The following CSMD2 variants were observed in gnomAD, a reference collection of about 807,000 sequenced individuals.
The protein encoded by CSMD2 is CUB and Sushi multiple domains 2.
Under a neutral mutation model 398.5 loss-of-function variants are expected in CSMD2, and 130 were observed. The ratio of observed to expected loss-of-function variants is 0.33; its 90% confidence interval spans 0.28 to 0.38. The LOEUF (loss-of-function observed/expected upper bound fraction) is 0.38. Ranked by LOEUF, CSMD2 falls within the 10% of genes least tolerant of loss-of-function variation. The pLI, the probability that CSMD2 is intolerant of heterozygous loss-of-function variation, is 1.00. For missense variants in CSMD2, 3,829 were observed against 4,764.9 expected (o/e 0.80, Z 5.78); for synonymous variants, 1,828 against 1,908.5 (o/e 0.96, Z 1.10).
chr1:34,127,584 G>T lies in CSMD2; in HGVS notation c.187+37327C>A, dbSNP rs181040653. On this transcript the variant is annotated intron_variant, in intron 1 of 70. Transcript: ENST00000373381. ...CATTCTGATGGTCTGCCTGTTCTCA[G>T]TGAGGTACCAGGGTAGTCATCCTGT... Among the ~76,000 whole-genome samples, 507 of 152,294 alleles carry T rather than the reference G, an allele frequency of 3.3e-3. 4 individuals are homozygous for T. The highest frequency in any genetic ancestry group is 0.012 in the African/African-American group (482 of 41,552).
intron 44 of CSMD2, among the ~76,000 whole-genome samples, chr1:33,593,163 A>G (rs574402643): frequency 1.1e-4 from 16 of 152,308 alleles, no homozygotes; most frequent in African/African-American, 3.6e-4. Flanking sequence ...CACATGCTAT[A>G]ACATGGAACC....
intron 9 of CSMD2, among the ~76,000 whole-genome samples, chr1:33,818,405 A>AT (rs1162377353): frequency 3.3e-5 from 5 of 152,116 alleles, no homozygotes; most frequent in South Asian, 2.1e-4. Flanking sequence ...GCATGAGGAT[A>AT]TTTTTTTTCT....
rs1032058278 is a variant in CSMD2 at position 33,656,590 on chromosome 1, G to A, written c.4447+1356C>T. ...CCCATTAAGCCTGAGTGAGAGAGGT[G>A]CAGGCCAGGGCAGACGCTCCTGCAG... On this transcript the variant is annotated intron_variant, in intron 27 of 70. Transcript: ENST00000373381. Among the ~76,000 whole-genome samples, 22 of 152,326 alleles carry A rather than the reference G, an allele frequency of 1.4e-4. 1 individual carries two copies. Among genetic ancestry groups the A allele is most frequent in the African/African-American group, 5.3e-4 (22 of 41,580 alleles).
intron 53 of CSMD2, among the ~76,000 whole-genome samples, chr1:33,566,102 A>AG (rs1659030699): frequency 6.6e-6 from 1 of 151,128 alleles, no homozygotes; most frequent in Non-Finnish European, 1.5e-5. Context: ...ATGAAGAAGA[A>AG]AAAAAAAACA....
At chr1:34,092,589 C>T (rs1658724246) in intron 1 of CSMD2, among the ~76,000 whole-genome samples, 1 of 152,204 alleles carries the variant, frequency 6.6e-6, no homozygotes, top group African/African-American at 2.4e-5. Flanking sequence ...GGCATTGCCT[C>T]ACTCGGGACG....
At chr1:33,523,203 C>G in intron 67 of CSMD2, 104 bp downstream of exon 67, 1 of 614,948 alleles carries the variant, frequency 1.6e-6, no homozygotes, top group South Asian at 2.6e-5. Context: ...AAAACCTCCT[C>G]CCAAGTTGCC....
At chr1:34,040,957 T>C (rs1474765361) in intron 2 of CSMD2, among the ~76,000 whole-genome samples, 2 of 152,052 alleles carry the variant, frequency 1.3e-5, no homozygotes, top group African/African-American at 4.8e-5. Flanking sequence ...AGATCCTGTT[T>C]TTCCAAAAAC....
intron 3 of CSMD2, among the ~76,000 whole-genome samples, chr1:33,941,697 T>C (rs915016501): frequency 3.3e-5 from 5 of 152,206 alleles, no homozygotes; most frequent in Non-Finnish European, 7.3e-5. Flanking sequence ...TTTGGCCTTT[T>C]AAACATAATT....
In CSMD2 at chr1:33,852,458, C is replaced by T. The variant is rs573363408; in HGVS notation, c.921-5462G>A. 2.0e-4 allele frequency among the ~76,000 whole-genome samples: 31 copies of T among 152,352 alleles called. No homozygotes were observed. In the South Asian group the frequency reaches 3.1e-3, roughly 15 times the overall value. On this transcript the variant is annotated intron_variant, in intron 5 of 70. Coordinates refer to ENST00000373381, the MANE Select transcript of CSMD2 (RefSeq NM_001281956.2). ...CATCCTGGAATGCGACTAGTACTTT[C>T]GTGTCTCCAGACCTTTGCACATGCT...
In CSMD2 at chr1:34,092,826, G is replaced by T. The variant is rs543246565; in HGVS notation, c.188-3633C>A. Among the ~76,000 whole-genome samples, 12 of 152,308 alleles carry T rather than the reference G, an allele frequency of 7.9e-5. No individual in the cohort carries two copies. The South Asian group carries it at 1.9e-3, about 24-fold the overall frequency. ...CAAACTGCAAGGCAGCAGCGAGGCT[G>T]GGGGAGGGGCGCCCACCATTGCCCA... On this transcript the variant is annotated intron_variant, in intron 1 of 70. Transcript: ENST00000373381.
chr1:33,842,277 C>T (rs190226196), intron 6 of CSMD2, among the ~76,000 whole-genome samples: 13 of 152,324 alleles, frequency 8.5e-5, no homozygotes, highest in Non-Finnish European at 4.4e-5. Flanking sequence ...CATCTTCACT[C>T]CTGTTTAAAC....
At chr1:33,995,050 A>C (rs570524422) in intron 3 of CSMD2, among the ~76,000 whole-genome samples, 1 of 151,304 alleles carries the variant, frequency 6.6e-6, no homozygotes, top group Non-Finnish European at 1.5e-5. Flanking sequence ...GCGACAGAGC[A>C]AGACTCCGTC....
intron 2 of CSMD2, among the ~76,000 whole-genome samples, chr1:34,048,971 T>G (rs1436988788): frequency 6.6e-6 from 1 of 152,090 alleles, no homozygotes; most frequent in Non-Finnish European, 1.5e-5. Context: ...AACAGGAGCT[T>G]CCAGAACCAT....
At chr1:34,094,896 G>A (rs1446271984) in intron 1 of CSMD2, among the ~76,000 whole-genome samples, 1 of 149,574 alleles carries the variant, frequency 6.7e-6, no homozygotes, top group African/African-American at 2.5e-5. Flanking sequence ...ACTCAGCTCT[G>A]CAGCAAGCGG....
rs568288835 is a variant in CSMD2, at chr1:33,913,365, T to C, written c.920+4729A>G. 1.9e-3 allele frequency among the ~76,000 whole-genome samples: 283 copies of C among 152,296 alleles called. 3 individuals carry two copies. The highest frequency in any genetic ancestry group is 6.4e-3 in the African/African-American group (264 of 41,562). ...AGTCAGGGCAGCCAGGCTGTGCCTT[T>C]CTGCTGGTGAGATGCCACTGGGCTG... On this transcript the variant is annotated intron_variant, in intron 5 of 70. Coordinates refer to ENST00000373381, the MANE Select transcript of CSMD2 (RefSeq NM_001281956.2).
intron 5 of CSMD2, among the ~76,000 whole-genome samples, chr1:33,889,474 T>C (rs897664662): frequency 6.6e-6 from 1 of 152,240 alleles, no homozygotes; most frequent in East Asian, 1.9e-4. Flanking sequence ...GAGTACACTT[T>C]AGCAGAGTCT....
rs1653764088 is a variant in CSMD2 at position 33,516,330 on chromosome 1, A to ACACACACACACT, written c.*293_*294insAGTGTGTGTGTG. The ACACACACACACT allele has an allele frequency of 6.6e-6, 1 of 151,956 alleles. No homozygotes were observed. The highest frequency in any genetic ancestry group is 1.9e-4 in the East Asian group (1 of 5,192). 9.4% of individuals were successfully genotyped at this position (151,956 alleles called of 1,614,324 possible). A position where few individuals can be genotyped will look rare whatever the true frequency, so the allele number is the denominator to read the frequency against. On this transcript the variant is annotated 3_prime_UTR_variant, in exon 71 of 71. Transcript: ENST00000373381. ...TGATCAGGCCCATACACACACACACACACACAGATCCACAAGTTGCTTTGC... is the reference window on the plus strand; with the variant it reads ...TGATCAGGCCCATACACACACACACACACACACACACTCACACAGATCCACAAGTTGCTTTGC...
chr1:33,958,313 G>A (rs1398208195), intron 3 of CSMD2, among the ~76,000 whole-genome samples: 1 of 152,192 alleles, frequency 6.6e-6, no homozygotes, highest in South Asian at 2.1e-4. Flanking sequence ...GTTTGTAAGT[G>A]TAAAGCACCT....
intron 3 of CSMD2, among the ~76,000 whole-genome samples, chr1:33,944,970 C>G (rs1279123094): frequency 6.6e-6 from 1 of 152,056 alleles, no homozygotes. Flanking sequence ...CTAGAGGATT[C>G]CCAACCCACA....
Sources: gnomAD v4.1 joint callset for allele counts (sites outside exome capture counted in the v4.1 genomes callset) on GRCh38, gnomAD v4.1.1 for gene constraint, MANE v1.5 for transcripts, NCBI Gene and HGNC (gene_info 2026-07-23, HGNC 2026-07-21) for gene names.